CSTPP1: variants seen among roughly 807,000 people sequenced by gnomAD.
CSTPP1 encodes the protein centriolar satellite-associated tubulin polyglutamylase complex regulator 1.
the CSTPP1 span, among the ~76,000 whole-genome samples, chr11:46,991,986 C>T: frequency 6.6e-6 from 1 of 152,110 alleles, no homozygotes. Context: ...AGTGATCTGC[C>T]CGCCTTGGCA....
At chr11:47,095,707 A>ACCTGGT in the CSTPP1 span, among the ~76,000 whole-genome samples, 2 of 152,222 alleles carry the variant, frequency 1.3e-5, no homozygotes, top group African/African-American at 4.8e-5. Flanking sequence ...TAACAAGTAC[A>ACCTGGT]AATTCCTAGC....
At chr11:47,116,824 C>T in the CSTPP1 span, among the ~76,000 whole-genome samples, 2 of 151,828 alleles carry the variant, frequency 1.3e-5, no homozygotes, top group African/African-American at 2.4e-5. Context: ...GGACTACAGG[C>T]GCCTGCCACC....
the CSTPP1 span, among the ~76,000 whole-genome samples, chr11:47,065,976 G>GTT: frequency 2.3e-4 from 7 of 30,042 alleles, no homozygotes; most frequent in African/African-American, 1.1e-3. Flanking sequence ...AGGTCTAACA[G>GTT]TTGTGTGTGT....
At chr11:47,122,091 A>AAAATATATAT in the CSTPP1 span, among the ~76,000 whole-genome samples, 42 of 31,832 alleles carry the variant, frequency 1.3e-3, 2 homozygotes, top group South Asian at 1.9e-3. Context: ...AAAAAAAAAA[A>AAAATATATAT]ATATATATAT....
At chr11:47,129,783 T>C in the CSTPP1 span, among the ~76,000 whole-genome samples, 1 of 152,238 alleles carries the variant, frequency 6.6e-6, no homozygotes, top group African/African-American at 2.4e-5. Context: ...TGCATTTCTT[T>C]AAATCTTTAC....
the CSTPP1 span, among the ~76,000 whole-genome samples, chr11:47,010,672 G>T: frequency 4.6e-5 from 7 of 152,006 alleles, no homozygotes; most frequent in Admixed American, 2.0e-4. Flanking sequence ...TAATTTTTTT[G>T]GTACATTCTT....
the CSTPP1 span, chr11:46,948,098 A>G: frequency 2.2e-6 from 1 of 456,190 alleles, no homozygotes; most frequent in African/African-American, 2.0e-5. Context: ...TTGCTTGTCA[A>G]ATGGAGAGGC....
chr11:47,058,966 G>C, the CSTPP1 span, among the ~76,000 whole-genome samples: 1 of 152,138 alleles, frequency 6.6e-6, no homozygotes, highest in Non-Finnish European at 1.5e-5. Context: ...TGATAGACTG[G>C]ATAAAGAAAA....
At chr11:47,106,393 T>G in the CSTPP1 span, among the ~76,000 whole-genome samples, 1 of 152,014 alleles carries the variant, frequency 6.6e-6, no homozygotes, top group Non-Finnish European at 1.5e-5. Context: ...TCCTTGAAAA[T>G]TCAGGGACCT....
chr11:46,979,831 T>A, the CSTPP1 span, among the ~76,000 whole-genome samples: 2 of 152,164 alleles, frequency 1.3e-5, no homozygotes, highest in African/African-American at 4.8e-5. Context: ...GAGAATCGCT[T>A]GAACCCTGGA....
the CSTPP1 span, among the ~76,000 whole-genome samples, chr11:47,067,118 G>T: frequency 1.3e-5 from 2 of 152,132 alleles, no homozygotes. Flanking sequence ...CAGATAAGTA[G>T]CTTCAAATAC....
the CSTPP1 span, among the ~76,000 whole-genome samples, chr11:47,046,660 CTTTTTTTTTTT>C: frequency 2.1e-4 from 17 of 79,754 alleles, no homozygotes; most frequent in East Asian, 5.4e-3. Context: ...ATCTTCTTTT[CTTTTTTTTTTT>C]TTTTTTTTTT....
At chr11:46,988,529 G>A in the CSTPP1 span, among the ~76,000 whole-genome samples, 1 of 152,078 alleles carries the variant, frequency 6.6e-6, no homozygotes, top group Non-Finnish European at 1.5e-5. Flanking sequence ...TAAACTCATG[G>A]ACAAAGAGAA....
chr11:47,022,039 T>G, the CSTPP1 span, among the ~76,000 whole-genome samples: 2 of 151,918 alleles, frequency 1.3e-5, no homozygotes, highest in Non-Finnish European at 2.9e-5. Context: ...TATATGGTTT[T>G]TTTTTTTTTT....
At chr11:47,162,292 G>A in the CSTPP1 span, 1 of 982,442 alleles carries the variant, frequency 1.0e-6, no homozygotes, top group Non-Finnish European at 1.2e-6. Flanking sequence ...AGGGAGAGGG[G>A]GAGTTTGGGT....
the CSTPP1 span, among the ~76,000 whole-genome samples, chr11:47,087,645 G>A: frequency 6.6e-6 from 1 of 152,114 alleles, no homozygotes; most frequent in Non-Finnish European, 1.5e-5. Context: ...GTTGCAGTGA[G>A]CCGAGATCGC....
chr11:46,945,987 G>A, the CSTPP1 span, among the ~76,000 whole-genome samples: 1 of 152,140 alleles, frequency 6.6e-6, no homozygotes, highest in African/African-American at 2.4e-5. Flanking sequence ...GGGCCTTTTG[G>A]GAGTTGTTCC....
At chr11:46,974,349 G>T in the CSTPP1 span, among the ~76,000 whole-genome samples, 1 of 152,054 alleles carries the variant, frequency 6.6e-6, no homozygotes, top group African/African-American at 2.4e-5. Flanking sequence ...CCAAGATGGT[G>T]CAACCCCGTC....
At chr11:46,940,172 C>T in the CSTPP1 span, among the ~76,000 whole-genome samples, 2 of 152,214 alleles carry the variant, frequency 1.3e-5, no homozygotes, top group South Asian at 4.1e-4. Flanking sequence ...TGCGCCTGGC[C>T]TCGAAGTAAT....
Sources: allele counts gnomAD v4.1 joint callset (sites outside exome capture counted in the v4.1 genomes callset), GRCh38; gene constraint gnomAD v4.1.1; transcripts MANE v1.5; gene names NCBI Gene and HGNC (gene_info 2026-07-23, HGNC 2026-07-21).